The following CTNND2 variants were observed in gnomAD, a reference collection of about 807,000 sequenced individuals.
The protein encoded by CTNND2 is catenin delta 2.
CTNND2 carries 22 observed loss-of-function variants against 144.4 expected under a neutral mutation model. The observed-to-expected ratio is 0.15, with a 90% confidence interval of 0.11 to 0.22. The LOEUF (loss-of-function observed/expected upper bound fraction) is 0.22. Ranked by LOEUF, CTNND2 falls within the 10% of genes least tolerant of loss-of-function variation. CTNND2 has a pLI of 1.00. For synonymous variants in CTNND2, 751 were observed against 695.6 expected, an observed-to-expected ratio of 1.08 and a Z score of -1.25; for missense variants, 1,353 against 1,618.8, an observed-to-expected ratio of 0.84 and a Z score of 2.82.
At chr5:11,404,004 C>A (rs1251129328) in intron 5 of CTNND2, among the ~76,000 whole-genome samples, 1 of 152,116 alleles carries the variant, frequency 6.6e-6, no homozygotes, top group Non-Finnish European at 1.5e-5. Flanking sequence ...GGTCTCTTAA[C>A]CCTCAAAATT....
chr5:11,381,786 T>G (rs935337528), intron 7 of CTNND2, among the ~76,000 whole-genome samples: 14 of 151,954 alleles, frequency 9.2e-5, no homozygotes, highest in African/African-American at 3.1e-4. Context: ...GCTAACACGG[T>G]GAAACCCCGT....
chr5:11,081,072 TCACACACACACA>T lies in CTNND2; in HGVS notation c.2788+1612_2788+1623del, dbSNP rs55951127. Among the ~76,000 whole-genome samples the T allele has an allele frequency of 9.4e-4, 136 of 145,080 alleles. 1 individual carries two copies. The East Asian group carries it at 0.024, about 26-fold the overall frequency. Reference sequence around the variant, plus strand: ...AGCCTGAGCAACACATGAGACCCTGTCACACACACACACACACACACACACACACACACACTC... The same window carrying T: ...AGCCTGAGCAACACATGAGACCCTGTCACACACACACACACACACACACTC... On this transcript the variant is annotated intron_variant, in intron 16 of 21. Transcript: ENST00000304623.
intron 18 of CTNND2, among the ~76,000 whole-genome samples, chr5:11,005,938 A>C (rs561903872): frequency 1.3e-5 from 2 of 152,354 alleles, no homozygotes; most frequent in South Asian, 4.1e-4. Context: ...TGTTCTGCAC[A>C]TGTATCCCAG....
At position 11,596,537 on chromosome 5, in the gene CTNND2, A is replaced by G. The variant is rs141453616; in HGVS notation, c.175-31481T>C. Among the ~76,000 whole-genome samples the G allele has an allele frequency of 2.6e-5, 4 of 152,366 alleles. No homozygotes were observed. The East Asian group carries it at 7.7e-4, about 29-fold the overall frequency. ...ACTTTAAAAATATTTATTTGCAAAG[A>G]GAAATAAAACAAATGAGTAATTTCT... On this transcript the variant is annotated intron_variant, in intron 2 of 21. Transcript: ENST00000304623.
Position 11,903,785 on chromosome 5 carries a change from C to G in CTNND2, c.37+32G>C. On this transcript the variant is annotated intron_variant, in intron 1 of 21. Coordinates refer to ENST00000304623, the MANE Select transcript of CTNND2 (RefSeq NM_001332.4). The surrounding 1 kb of genome is among the most constrained non-coding windows in gnomAD (Gnocchi z 5.4). ...AGGACGGCGCCGGGAGGAGGCTGCG[C>G]CCGGCCCCGGCCGCCCAGCCCCGCA... The G allele has an allele frequency of 6.8e-7, 1 of 1,474,790 alleles. No homozygotes were observed. The highest frequency in any genetic ancestry group is 8.9e-7 in the Non-Finnish European group (1 of 1,119,890). 91.4% of individuals were successfully genotyped at this position (1,474,790 alleles called of 1,614,324 possible).
chr5:11,495,263 TG>T (rs1337248688), intron 3 of CTNND2, among the ~76,000 whole-genome samples: 2 of 152,220 alleles, frequency 1.3e-5, no homozygotes, highest in Non-Finnish European at 2.9e-5. Flanking sequence ...ATATGTGGAA[TG>T]AATAGAAAGA....
rs61750282 is a variant in CTNND2, at chr5:11,077,820, C to T, written c.2788+4876G>A. 4.8e-3 allele frequency among the ~76,000 whole-genome samples: 727 copies of T among 152,090 alleles called. 7 individuals carry two copies. Among genetic ancestry groups the T allele is most frequent in the African/African-American group, 0.016 (680 of 41,478 alleles). The stretch of plus-strand genomic sequence containing the variant: ...AGATGAAGAGAAGTGTTAAAGTCTG[C>T]GAAAATTCAGAAGGACAACCAGATT... On this transcript the variant is annotated intron_variant, in intron 16 of 21. Transcript: ENST00000304623.
chr5:11,500,210 C>A (rs952872475), intron 3 of CTNND2, among the ~76,000 whole-genome samples: 75 of 152,158 alleles, frequency 4.9e-4, no homozygotes, highest in Admixed American at 4.6e-3. Flanking sequence ...AGTAGGTAGG[C>A]CGTAATAAAG....
chr5:11,373,536 T>C (rs754224376), intron 7 of CTNND2, among the ~76,000 whole-genome samples: 1 of 152,184 alleles, frequency 6.6e-6, no homozygotes, highest in African/African-American at 2.4e-5. Context: ...TGAAAGAACA[T>C]GCACAGCATT....
At chr5:11,232,715 A>T (rs1741172040) in intron 10 of CTNND2, among the ~76,000 whole-genome samples, 2 of 152,224 alleles carry the variant, frequency 1.3e-5, no homozygotes. Flanking sequence ...TGCTGAAATG[A>T]GTTAAGACTT....
At chr5:11,725,339 G>C (rs1786953376) in intron 2 of CTNND2, among the ~76,000 whole-genome samples, 2 of 152,264 alleles carry the variant, frequency 1.3e-5, no homozygotes, top group Non-Finnish European at 2.9e-5. Flanking sequence ...AGGTATAGTT[G>C]TTCCTTAAAT....
chr5:11,659,362 A>G (rs1172902267), intron 2 of CTNND2, among the ~76,000 whole-genome samples: 2 of 152,134 alleles, frequency 1.3e-5, no homozygotes, highest in African/African-American at 4.8e-5. Flanking sequence ...CTCCTCAAAT[A>G]CCAAGGGCGT....
intron 9 of CTNND2, among the ~76,000 whole-genome samples, chr5:11,344,578 G>T (rs32126): frequency 0.73 from 111,253 of 151,732 alleles, 40,951 homozygotes; most frequent in Middle Eastern, 0.84. Flanking sequence ...TCTTTTTTTT[G>T]GGGGGTCTGT....
At chr5:11,370,267 T>C (rs1045968812) in intron 7 of CTNND2, among the ~76,000 whole-genome samples, 27 of 151,832 alleles carry the variant, frequency 1.8e-4, no homozygotes, top group African/African-American at 6.0e-4. Flanking sequence ...TCTAGAAAAC[T>C]TGCTGAAAAT....
chr5:11,869,887 A>C (rs1795947110), intron 1 of CTNND2, among the ~76,000 whole-genome samples: 2 of 152,198 alleles, frequency 1.3e-5, no homozygotes, highest in South Asian at 4.1e-4. Context: ...ACAAAATGCA[A>C]AAAAATAAGG....
chr5:11,366,812 A>G (rs184237157), intron 7 of CTNND2, among the ~76,000 whole-genome samples: 463 of 152,340 alleles, frequency 3.0e-3, no homozygotes, highest in Non-Finnish European at 5.0e-3. Flanking sequence ...ATGATGACCA[A>G]TGAGAGGATC....
In CTNND2 at chr5:11,767,412, T is replaced by A. The variant is rs567542021; in HGVS notation, c.38-35140A>T. On this transcript the variant is annotated intron_variant, in intron 1 of 21. Transcript: ENST00000304623. ...ATATACACCCACTGCATCTCTCCAA[T>A]TCCACTTCCAGAAATGCAGAACTCA... Among the ~76,000 whole-genome samples, 14 of 152,306 alleles carry A rather than the reference T, an allele frequency of 9.2e-5. 1 individual carries two copies. Among genetic ancestry groups the A allele is most frequent in the African/African-American group, 3.4e-4 (14 of 41,574 alleles).
chr5:11,822,295 G>A (rs546990299), intron 1 of CTNND2, among the ~76,000 whole-genome samples: 39 of 152,158 alleles, frequency 2.6e-4, no homozygotes, highest in East Asian at 2.3e-3. Context: ...TTGGAGAGTT[G>A]GCATAAATTA....
At chr5:11,688,307 C>T (rs1179733037) in intron 2 of CTNND2, among the ~76,000 whole-genome samples, 1 of 152,126 alleles carries the variant, frequency 6.6e-6, no homozygotes, top group African/African-American at 2.4e-5. Context: ...CTCAGGTGTT[C>T]ATCTTGGTGT....
Sources: gnomAD v4.1 joint callset for allele counts (sites outside exome capture counted in the v4.1 genomes callset) on GRCh38, gnomAD v4.1.1 for gene constraint, Gnocchi (gnomAD v3.1) non-coding constraint, MANE v1.5 for transcripts, NCBI Gene and HGNC (gene_info 2026-07-23, HGNC 2026-07-21) for gene names.